ARHGAP24: variants seen among roughly 807,000 people sequenced by gnomAD.
ARHGAP24 encodes Rho GTPase activating protein 24, also known as rho GTPase-activating protein 24.
Under a neutral mutation model 76.4 loss-of-function variants are expected in ARHGAP24, and 50 were observed. The observed-to-expected ratio is 0.65, with a 90% CI of 0.52 to 0.83. The LOEUF (loss-of-function observed/expected upper bound fraction) is 0.83. Ranked by LOEUF, ARHGAP24 falls within the 40% of genes least tolerant of loss-of-function variation. The pLI, the probability that ARHGAP24 is intolerant of heterozygous loss-of-function variation, is 0.00. For synonymous variants in ARHGAP24, 345 were observed against 323.3 expected (o/e 1.07, Z -0.72); for missense variants, 930 against 914.2 (o/e 1.02, Z -0.22).
intron 3 of ARHGAP24, among the ~76,000 whole-genome samples, chr4:85,866,551 A>G (rs1732212245): frequency 6.6e-6 from 1 of 152,096 alleles, no homozygotes; most frequent in Non-Finnish European, 1.5e-5. Flanking sequence ...GTCTATTTTC[A>G]AGAGAATAAA....
At chr4:85,507,537 T>C (rs1381254341) in intron 1 of ARHGAP24, among the ~76,000 whole-genome samples, 2 of 152,218 alleles carry the variant, frequency 1.3e-5, no homozygotes, top group Admixed American at 1.3e-4. Flanking sequence ...ATAACTGACA[T>C]TCCCATCAGC....
chr4:85,514,188 A>G (rs1490091432), intron 1 of ARHGAP24, among the ~76,000 whole-genome samples: 1 of 152,164 alleles, frequency 6.6e-6, no homozygotes, highest in Admixed American at 6.6e-5. Context: ...CTAAGGATGA[A>G]TTAGATCTGA....
chr4:85,875,110 ATATAT>A (rs1366986667), intron 3 of ARHGAP24, among the ~76,000 whole-genome samples: 1 of 55,238 alleles, frequency 1.8e-5, no homozygotes, highest in African/African-American at 6.9e-5. Flanking sequence ...ATATTATATT[ATATAT>A]AATATATTTA....
chr4:85,741,692 G>C (rs928139961), intron 3 of ARHGAP24, among the ~76,000 whole-genome samples: 1 of 152,198 alleles, frequency 6.6e-6, no homozygotes, highest in Non-Finnish European at 1.5e-5. Context: ...AAACTGGCTG[G>C]AAGTTGAGAG....
intron 2 of ARHGAP24, among the ~76,000 whole-genome samples, chr4:85,705,054 T>A (rs930701883): frequency 2.0e-5 from 3 of 152,104 alleles, no homozygotes; most frequent in Non-Finnish European, 2.9e-5. Context: ...CATAGTTCAG[T>A]TAATGTGAGA....
intron 1 of ARHGAP24, among the ~76,000 whole-genome samples, chr4:85,507,661 G>A (rs1724119731): frequency 6.6e-6 from 1 of 152,148 alleles, no homozygotes; most frequent in Non-Finnish European, 1.5e-5. Context: ...TAGTGAAAAT[G>A]ACTCCTCACT....
At chr4:85,605,301 ATAGT>A in intron 2 of ARHGAP24, among the ~76,000 whole-genome samples, 1 of 152,300 alleles carries the variant, frequency 6.6e-6, no homozygotes, top group African/African-American at 2.4e-5. Context: ...AAATATATAT[ATAGT>A]TAGAGTTTAA....
At chr4:85,930,487 T>C in intron 4 of ARHGAP24, 1 of 991,440 alleles carries the variant, frequency 1.0e-6, no homozygotes, top group South Asian at 4.6e-5. Flanking sequence ...CTTTTTGTCA[T>C]TGTTCCTCTT....
chr4:85,946,038 T>C (rs1029619562), intron 5 of ARHGAP24, among the ~76,000 whole-genome samples: 1 of 152,096 alleles, frequency 6.6e-6, no homozygotes, highest in Non-Finnish European at 1.5e-5. Flanking sequence ...TCGCATCTTA[T>C]GTGGATGGCG....
At chr4:85,897,907 G>A (rs866578243) in intron 3 of ARHGAP24, among the ~76,000 whole-genome samples, 5 of 151,660 alleles carry the variant, frequency 3.3e-5, no homozygotes, top group African/African-American at 4.8e-5. Context: ...GTGTGGCTGC[G>A]TCCATTGTGA....
intron 7 of ARHGAP24, 71 bp from the exon 8 acceptor site, chr4:85,977,499 T>G: frequency 6.5e-7 from 1 of 1,542,116 alleles, no homozygotes; most frequent in Non-Finnish European, 8.9e-7. Context: ...GTAAATTTTC[T>G]AATGATCGAT....
intron 2 of ARHGAP24, among the ~76,000 whole-genome samples, chr4:85,575,026 C>T (rs1310932730): frequency 1.3e-5 from 2 of 152,294 alleles, no homozygotes; most frequent in South Asian, 2.1e-4. Flanking sequence ...AATGACTTTC[C>T]AGTGCTTAGC....
chr4:85,547,682 C>T (rs1181936915), intron 1 of ARHGAP24, among the ~76,000 whole-genome samples: 1 of 152,130 alleles, frequency 6.6e-6, no homozygotes, highest in East Asian at 1.9e-4. Context: ...GCAATCCGCC[C>T]ACCTCAGCCT....
At position 85,727,221 on chromosome 4, in the gene ARHGAP24, A is replaced by T. The variant is rs143435358; in HGVS notation, c.268+5249A>T. 2.5e-3 allele frequency among the ~76,000 whole-genome samples: 377 copies of T among 152,240 alleles called. 2 individuals are homozygous for T. Among genetic ancestry groups the T allele is most frequent in the African/African-American group, 8.7e-3 (360 of 41,524 alleles). The stretch of plus-strand genomic sequence containing the variant: ...GGTGACAGAGTGAGACTCCATCTCA[A>T]AAAATAAAGTAAAAAAGGCCTGGAG... On this transcript the variant is annotated intron_variant, in intron 3 of 9. Transcript: ENST00000395184.
At chr4:85,872,573 G>A (rs1732594982) in intron 3 of ARHGAP24, among the ~76,000 whole-genome samples, 1 of 143,812 alleles carries the variant, frequency 7.0e-6, no homozygotes, top group Non-Finnish European at 1.5e-5. Flanking sequence ...TGGGATTATA[G>A]GCATGAGCCA....
chr4:85,494,215 C>T (rs182744675), intron 1 of ARHGAP24, among the ~76,000 whole-genome samples: 7 of 152,066 alleles, frequency 4.6e-5, no homozygotes, highest in Admixed American at 2.6e-4. Context: ...TTGTTACATA[C>T]GTATACATGT....
intron 5 of ARHGAP24, among the ~76,000 whole-genome samples, chr4:85,956,759 C>T (rs894423566): frequency 2.0e-5 from 3 of 152,134 alleles, no homozygotes; most frequent in African/African-American, 4.8e-5. Flanking sequence ...GGAGCACAGC[C>T]GACACCCAGC....
chr4:85,911,800 G>C (rs62305506), intron 3 of ARHGAP24, among the ~76,000 whole-genome samples: 13,968 of 152,184 alleles, frequency 0.092, 728 homozygotes, highest in South Asian at 0.13. Context: ...GGGAGTCACA[G>C]TTTTAAGGAG....
At chr4:85,596,582 C>CTTT (rs1553916856) in intron 2 of ARHGAP24, among the ~76,000 whole-genome samples, 1 of 151,454 alleles carries the variant, frequency 6.6e-6, no homozygotes, top group Non-Finnish European at 1.5e-5. Context: ...AGTTAAAATC[C>CTTT]TGTATGTGTT....
Sources: gnomAD v4.1 joint callset for allele counts (sites outside exome capture counted in the v4.1 genomes callset) on GRCh38, gnomAD v4.1.1 for gene constraint, MANE v1.5 for transcripts, NCBI Gene and HGNC (gene_info 2026-07-23, HGNC 2026-07-21) for gene names.